Variants in KANK1 observed in about 807,000 individuals in gnomAD.
KANK1 encodes the protein KN motif and ankyrin repeat domain-containing protein 1.
KANK1 carries 109 observed loss-of-function variants against 106.2 expected under a neutral mutation model. That is an observed-to-expected ratio of 1.03 (90% confidence interval 0.88 to 1.20). The LOEUF (loss-of-function observed/expected upper bound fraction) is 1.20. Among genes scored for constraint, KANK1 ranks in the 50% most tolerant of loss-of-function variants. KANK1 has a pLI of 0.00. For missense variants in KANK1, 2,399 were observed against 1,710.7 expected, an observed-to-expected ratio of 1.40 and a Z score of -7.10; for synonymous variants, 873 against 652.2, an observed-to-expected ratio of 1.34 and a Z score of -5.16.
intron 10 of KANK1, 105 bp downstream of exon 10, chr9:742,510 C>G: frequency 3.7e-6 from 3 of 818,458 alleles, no homozygotes; most frequent in Non-Finnish European, 3.8e-6. Flanking sequence ...CCTCTATTCT[C>G]CTCTGGGATT....
intron 8 of KANK1, among the ~76,000 whole-genome samples, chr9:740,164 G>A (rs1835020334): frequency 6.6e-6 from 1 of 152,284 alleles, no homozygotes; most frequent in African/African-American, 2.4e-5. Flanking sequence ...TTTTATCCCT[G>A]AAGACTCCTT....
intron 1 of KANK1, among the ~76,000 whole-genome samples, chr9:543,900 A>C (rs547509034): frequency 1.2e-3 from 182 of 152,336 alleles, no homozygotes; most frequent in African/African-American, 3.9e-3. Context: ...TCCATATCAT[A>C]TCTCTTTAAT....
At chr9:706,646 A>G (rs1211409730) in intron 2 of KANK1, among the ~76,000 whole-genome samples, 1 of 149,620 alleles carries the variant, frequency 6.7e-6, no homozygotes, top group Non-Finnish European at 1.5e-5. Flanking sequence ...TTCATTTTTT[A>G]AGAAGAACTT....
chr9:566,843 C>G (rs1817932856), intron 1 of KANK1, among the ~76,000 whole-genome samples: 1 of 152,100 alleles, frequency 6.6e-6, no homozygotes, highest in South Asian at 2.1e-4. Flanking sequence ...TGTGCAGAAG[C>G]CTTTTAGTTT....
chr9:665,241 C>T (rs552142967), intron 1 of KANK1, among the ~76,000 whole-genome samples: 6 of 152,240 alleles, frequency 3.9e-5, no homozygotes, highest in East Asian at 1.9e-4. Flanking sequence ...AATTTTTGCC[C>T]AGACCAATGT....
At chr9:549,970 T>C (rs1170058652) in intron 1 of KANK1, among the ~76,000 whole-genome samples, 1 of 152,036 alleles carries the variant, frequency 6.6e-6, no homozygotes, top group East Asian at 1.9e-4. Context: ...TAGGGTAATA[T>C]ACAAAGGAGA....
intron 1 of KANK1, among the ~76,000 whole-genome samples, chr9:637,011 G>T (rs571103489): frequency 1.3e-5 from 2 of 152,236 alleles, no homozygotes; most frequent in Non-Finnish European, 2.9e-5. Context: ...TACCTTTCAG[G>T]AATATTTTAT....
At chr9:740,736 G>T (rs377745065) in intron 8 of KANK1, 56 bp from the exon 9 acceptor site, 5 of 1,570,386 alleles carry the variant, frequency 3.2e-6, no homozygotes, top group African/African-American at 2.7e-5. Flanking sequence ...CTTCGTAAGC[G>T]GCTGCTATTA....
chr9:744,381 A>C (rs1453158339), intron 10 of KANK1, 110 bp from the exon 11 acceptor site: 7 of 1,251,480 alleles, frequency 5.6e-6, no homozygotes, highest in East Asian at 2.4e-5. Context: ...ACGAGTAGGG[A>C]TATTTGGGGA....
At chr9:716,851 G>GC (rs1261430924) in intron 3 of KANK1, among the ~76,000 whole-genome samples, 1 of 152,078 alleles carries the variant, frequency 6.6e-6, no homozygotes, top group Non-Finnish European at 1.5e-5. Flanking sequence ...GTTATCCTGT[G>GC]CCTGTAGCCT....
intron 7 of KANK1, chr9:735,815 G>A (rs754690018): frequency 1.9e-5 from 7 of 375,158 alleles, no homozygotes; most frequent in South Asian, 3.8e-5. Context: ...CCAACATGGT[G>A]AAACCCTTTC....
At chr9:499,289 T>C (rs1215730241) in intron 3 of KANK1, among the ~76,000 whole-genome samples, 2 of 152,110 alleles carry the variant, frequency 1.3e-5, no homozygotes, top group African/African-American at 4.8e-5. Context: ...TGCACTTGAA[T>C]ATTCATAGCA....
chr9:706,608 T>C (rs13285101), intron 2 of KANK1, among the ~76,000 whole-genome samples: 57,986 of 150,420 alleles, frequency 0.39, 12,218 homozygotes, highest in South Asian at 0.53. Flanking sequence ...TGTACTACTT[T>C]CGTATCTGGA....
At chr9:742,153 C>A in intron 9 of KANK1, 52 bp from the exon 10 acceptor site, 2 of 1,517,688 alleles carry the variant, frequency 1.3e-6, no homozygotes, top group East Asian at 2.3e-5. Flanking sequence ...CTAGAGGCCA[C>A]CACTGCCAGC....
chr9:697,183 T>C (rs1821528525), intron 2 of KANK1, among the ~76,000 whole-genome samples: 1 of 152,090 alleles, frequency 6.6e-6, no homozygotes, highest in Non-Finnish European at 1.5e-5. Context: ...CTTTTTTTCA[T>C]GGCCATGATG....
chr9:684,711 A>AT (rs35431822), intron 2 of KANK1: 109,506 of 349,184 alleles, frequency 0.31, 18,435 homozygotes, highest in African/African-American at 0.36. Context: ...GTCTGGGATA[A>AT]TTTCAGTTCA....
chr9:546,602 A>T (rs1391580696), intron 1 of KANK1, among the ~76,000 whole-genome samples: 1 of 151,888 alleles, frequency 6.6e-6, no homozygotes, highest in Non-Finnish European at 1.5e-5. Context: ...ACTCTTACTC[A>T]TCATGTTATA....
intron 1 of KANK1, among the ~76,000 whole-genome samples, chr9:546,713 C>T (rs1186035069): frequency 6.7e-6 from 1 of 149,370 alleles, no homozygotes; most frequent in Non-Finnish European, 1.5e-5. Context: ...AATCTTGTGT[C>T]CTTATTTCTG....
intron 1 of KANK1, among the ~76,000 whole-genome samples, chr9:531,259 C>G (rs961105277): frequency 6.6e-6 from 1 of 152,044 alleles, no homozygotes; most frequent in Non-Finnish European, 1.5e-5. Context: ...GGCAACAAAG[C>G]AAGAACCTTC....
Sources: gnomAD v4.1 joint callset for allele counts (sites outside exome capture counted in the v4.1 genomes callset) on GRCh38, gnomAD v4.1.1 for gene constraint, MANE v1.5 for transcripts, NCBI Gene and HGNC (gene_info 2026-07-23, HGNC 2026-07-21) for gene names.